ZC3H18: variants seen among roughly 807,000 people sequenced by gnomAD.
The protein encoded by ZC3H18 is zinc finger CCCH-type containing 18.
Under a neutral mutation model 106.1 loss-of-function variants are expected in ZC3H18, and 8 were observed. The ratio of observed to expected loss-of-function variants is 0.08; its 90% confidence interval spans 0.04 to 0.14. The LOEUF (loss-of-function observed/expected upper bound fraction) is 0.14, where lower values mean the gene tolerates loss of function less well. Among genes scored for constraint, ZC3H18 ranks in the 10% least tolerant of loss-of-function variants. The probability of loss-of-function intolerance (pLI) is 1.00; values close to 1 mark genes in which losing one functional copy is unlikely to be tolerated. For synonymous variants in ZC3H18, 635 were observed against 522.1 expected, an observed-to-expected ratio of 1.22 and a Z score of -2.95; for missense variants, 1,318 against 1,278.4, an observed-to-expected ratio of 1.03 and a Z score of -0.47.
At chr16:88,585,835 G>T (rs1196916682) in intron 2 of ZC3H18, among the ~76,000 whole-genome samples, 1 of 152,110 alleles carries the variant, frequency 6.6e-6, no homozygotes, top group Non-Finnish European at 1.5e-5. Context: ...GATTGGTTAC[G>T]CTAGGGCTGG....
intron 2 of ZC3H18, among the ~76,000 whole-genome samples, chr16:88,581,954 T>G (rs1252124942): frequency 1.3e-5 from 2 of 152,166 alleles, no homozygotes; most frequent in Non-Finnish European, 2.9e-5. Context: ...GACATTTGAT[T>G]AGCAGGCCTT....
chr16:88,613,988 G>A (rs994506181), intron 8 of ZC3H18, among the ~76,000 whole-genome samples: 1 of 152,200 alleles, frequency 6.6e-6, no homozygotes, highest in African/African-American at 2.4e-5. Flanking sequence ...GGGTTGGTTT[G>A]TGTCACCGTC....
Position 88,577,666 on chromosome 16 carries a change from G to T in ZC3H18, c.543G>T (p.Glu181Asp). 1 of 1,613,956 alleles carries T rather than the reference G, an allele frequency of 6.2e-7. No homozygotes were observed. Among genetic ancestry groups the T allele is most frequent in the Non-Finnish European group, 8.5e-7 (1 of 1,180,046 alleles). Residue 181 changes from glutamate to aspartate, a missense_variant, in exon 2 of 18, where the codon GAG (glutamate) becomes GAT (aspartate). By Grantham distance (45) the Glu-to-Asp change is conservative. Around this residue, in one of 6 missense-constraint regions of ZC3H18, gnomAD observed 346 missense variants for 269.0 expected, o/e 1.29. Transcript: ENST00000301011. ...GTGTGGGAGAAAAGGAATCCCTGGA[G>T]GCTGCCAAGGAGAAAAAGAAAGAGG... Reference protein sequence around the residue: ...VQSVGEKESLEAAKEKKKEDD... With the variant: ...VQSVGEKESLDAAKEKKKEDD...
At chr16:88,624,119 C>T in intron 11 of ZC3H18, 57 bp downstream of exon 11, 5 of 1,592,100 alleles carry the variant, frequency 3.1e-6, no homozygotes, top group East Asian at 2.2e-5. Context: ...AGGCTGCAGC[C>T]TCCTCCCTCC....
intron 7 of ZC3H18, 95 bp from the exon 8 acceptor site, chr16:88,611,173 A>G: frequency 1.4e-6 from 1 of 693,338 alleles, no homozygotes; most frequent in Middle Eastern, 2.5e-4. Flanking sequence ...ATTCTGTGAC[A>G]CAGACAGATC....
rs115390066 is a variant in ZC3H18, at chr16:88,576,464, G to A, written c.-14-646G>A. Among the ~76,000 whole-genome samples, 561 of 152,270 alleles carry A rather than the reference G, an allele frequency of 3.7e-3. 4 individuals are homozygous for A. Among genetic ancestry groups the A allele is most frequent in the African/African-American group, 0.013 (522 of 41,554 alleles). Reference sequence around the variant, plus strand: ...AACTTAGGAGTGTGAGTTGCTGAGCGGGTGAACACAGCCCTCTCGACACCT... The same window carrying A: ...AACTTAGGAGTGTGAGTTGCTGAGCAGGTGAACACAGCCCTCTCGACACCT... On this transcript the variant is annotated intron_variant, in intron 1 of 17. Transcript: ENST00000301011.
At chr16:88,611,648 G>A in intron 8 of ZC3H18, 112 bp downstream of exon 8, 1 of 1,435,212 alleles carries the variant, frequency 7.0e-7, no homozygotes, top group Non-Finnish European at 9.3e-7. Flanking sequence ...CTGGAGCCCA[G>A]GGGACCAGTG....
At chr16:88,584,174 C>A (rs1354272850) in intron 2 of ZC3H18, among the ~76,000 whole-genome samples, 1 of 152,078 alleles carries the variant, frequency 6.6e-6, no homozygotes, top group Non-Finnish European at 1.5e-5. Context: ...GTAATCCTAG[C>A]ACTTTGGGAG....
chr16:88,630,758 CCCCCCCCACACA>C (rs1906624542), intron 17 of ZC3H18, among the ~76,000 whole-genome samples, 177 bp downstream of exon 17: 1 of 105,330 alleles, frequency 9.5e-6, no homozygotes, highest in Non-Finnish European at 2.2e-5. Flanking sequence ...CACCCCCCAC[CCCCCCCCACACA>C]CACACACACG....
chr16:88,587,625 G>T, intron 3 of ZC3H18: 1 of 1,532,840 alleles, frequency 6.5e-7, no homozygotes, highest in Non-Finnish European at 8.7e-7. Context: ...TACAAAATAC[G>T]CTATATTCAC....
intron 7 of ZC3H18, among the ~76,000 whole-genome samples, chr16:88,609,950 G>A (rs1351180488): frequency 6.6e-6 from 1 of 152,106 alleles, no homozygotes. Flanking sequence ...TGATGCCTGT[G>A]TCCAGGGGTG....
At position 88,576,297 on chromosome 16, in the gene ZC3H18, C is replaced by T. The variant is rs140588742; in HGVS notation, c.-14-813C>T. Among the ~76,000 whole-genome samples, 17 of 152,246 alleles carry T rather than the reference C, an allele frequency of 1.1e-4. No homozygotes were observed. The East Asian group carries it at 3.3e-3, about 29-fold the overall frequency. ...GCTCAAATGATCCTCCCGTTGCAAC[C>T]TCCCAAAGTGCTGAGATTGTAGATG... On this transcript the variant is annotated intron_variant, in intron 1 of 17. Coordinates refer to ENST00000301011, the MANE Select transcript of ZC3H18 (RefSeq NM_144604.4).
At chr16:88,582,222 T>A (rs1915177257) in intron 2 of ZC3H18, among the ~76,000 whole-genome samples, 1 of 93,850 alleles carries the variant, frequency 1.1e-5, no homozygotes, top group Non-Finnish European at 2.5e-5. Context: ...TTCTTTTCTT[T>A]TTTTTTTTTT....
chr16:88,573,959 G>GC (rs530144408), intron 1 of ZC3H18, among the ~76,000 whole-genome samples: 29 of 150,624 alleles, frequency 1.9e-4, no homozygotes, highest in East Asian at 7.8e-4. Context: ...TGCAACCTCC[G>GC]CCCCCCCGAG....
intron 11 of ZC3H18, 105 bp from the exon 12 acceptor site, chr16:88,624,497 G>C: frequency 6.4e-7 from 1 of 1,555,744 alleles, no homozygotes; most frequent in South Asian, 1.1e-5. Flanking sequence ...GAGCGTCACA[G>C]GCATGCAGTG....
At chr16:88,584,942 C>A (rs964369475) in intron 2 of ZC3H18, among the ~76,000 whole-genome samples, 9 of 152,102 alleles carry the variant, frequency 5.9e-5, no homozygotes, top group African/African-American at 2.2e-4. Flanking sequence ...TTCGAACTTT[C>A]CAAATGAGTT....
At chr16:88,580,956 A>G (rs988776879) in intron 2 of ZC3H18, among the ~76,000 whole-genome samples, 5 of 152,172 alleles carry the variant, frequency 3.3e-5, no homozygotes, top group African/African-American at 1.2e-4. Flanking sequence ...CTGAGGCCTC[A>G]TAGCATTCCA....
At chr16:88,618,839 C>T (rs796939829) in intron 8 of ZC3H18, among the ~76,000 whole-genome samples, 24 of 152,258 alleles carry the variant, frequency 1.6e-4, no homozygotes, top group African/African-American at 4.6e-4. Context: ...CCTGGCCCAG[C>T]TTGGAGGTGG....
At chr16:88,600,399 T>G (rs1904686602) in intron 6 of ZC3H18, among the ~76,000 whole-genome samples, 1 of 152,180 alleles carries the variant, frequency 6.6e-6, no homozygotes, top group African/African-American at 2.4e-5. Context: ...AGGGCATTGA[T>G]GGCTGGTTTT....
Sources: allele counts gnomAD v4.1 joint callset (sites outside exome capture counted in the v4.1 genomes callset), GRCh38; gene constraint gnomAD v4.1.1; regional missense constraint gnomAD v4.1.1; transcripts MANE v1.5; gene names NCBI Gene and HGNC (gene_info 2026-07-23, HGNC 2026-07-21).